RIN3: variants seen among roughly 807,000 people sequenced by gnomAD.
The protein encoded by RIN3 is Ras and Rab interactor 3.
Under a neutral mutation model 76.3 loss-of-function variants are expected in RIN3, and 54 were observed. The ratio of observed to expected loss-of-function variants is 0.71; its 90% CI spans 0.57 to 0.89. RIN3 has a LOEUF of 0.89. RIN3 is among the 40% of genes least tolerant of loss of function. The pLI, the probability that RIN3 is intolerant of heterozygous loss-of-function variation, is 0.00. For missense variants in RIN3, 1,256 were observed against 1,322.1 expected (o/e 0.95, Z 0.78); for synonymous variants, 576 against 564.0 (o/e 1.02, Z -0.30).
At chr14:92,602,240 G>A (rs1183622198) in intron 3 of RIN3, among the ~76,000 whole-genome samples, 4 of 152,246 alleles carry the variant, frequency 2.6e-5, no homozygotes, top group Non-Finnish European at 5.9e-5. Context: ...TCAGCTGTGT[G>A]CCCAGTGCCC....
At chr14:92,536,618 TG>T (rs1897005879) in intron 1 of RIN3, among the ~76,000 whole-genome samples, 2 of 151,786 alleles carry the variant, frequency 1.3e-5, no homozygotes, top group South Asian at 4.2e-4. Flanking sequence ...GGTGGGCGCC[TG>T]TAGTCCCAGC....
chr14:92,651,347 G>A (rs1008546537), intron 5 of RIN3, among the ~76,000 whole-genome samples: 8 of 151,970 alleles, frequency 5.3e-5, no homozygotes, highest in Non-Finnish European at 5.9e-5. Flanking sequence ...CATCACCCCC[G>A]GCCTCACCCT....
intron 7 of RIN3, among the ~76,000 whole-genome samples, chr14:92,676,011 T>C (rs979625159): frequency 6.6e-6 from 1 of 152,078 alleles, no homozygotes; most frequent in South Asian, 2.1e-4. Flanking sequence ...GAAGGCTGAA[T>C]GGTGACATTT....
rs1348550686 is a variant in RIN3 at position 92,547,099 on chromosome 14, TTAAA to T, written c.45-8646_45-8643del. 4.1e-4 allele frequency among the ~76,000 whole-genome samples: 34 copies of T among 83,892 alleles called. 9 individuals are homozygous for T. The highest frequency in any genetic ancestry group is 7.1e-4 in the Admixed American group (6 of 8,494). 55.0% of individuals were successfully genotyped at this position (83,892 alleles called of 152,430 possible). A position where few individuals can be genotyped will look rare whatever the true frequency, so the allele number is the denominator to read the frequency against. On this transcript the variant is annotated intron_variant, in intron 1 of 9. Transcript: ENST00000216487. ...TATATTATATTATATTATATTATAA[TTAAA>T]TAAATTATCTTTATTTTATTATTAT...
chr14:92,540,435 G>A (rs956640928), intron 1 of RIN3, among the ~76,000 whole-genome samples: 6 of 152,218 alleles, frequency 3.9e-5, no homozygotes, highest in African/African-American at 1.4e-4. Flanking sequence ...GGAGCCACAA[G>A]CATCTGTGAG....
intron 8 of RIN3, among the ~76,000 whole-genome samples, chr14:92,680,673 G>A (rs536363925): frequency 4.1e-4 from 62 of 152,354 alleles, no homozygotes; most frequent in African/African-American, 1.5e-3. Context: ...GGGGCAGGAT[G>A]AGAGATGGAG....
intron 7 of RIN3, among the ~76,000 whole-genome samples, chr14:92,665,370 CTTTTTTTTTTTTT>C (rs55818571): frequency 2.4e-5 from 2 of 83,610 alleles, no homozygotes; most frequent in African/African-American, 5.0e-5. Flanking sequence ...GCCTTTGTCT[CTTTTTTTTTTTTT>C]TTTTTTTTTT....
Position 92,659,317 on chromosome 14 carries a change from G to A in RIN3, c.2183G>A (p.Gly728Asp), listed in dbSNP as rs1448636270. The A allele has an allele frequency of 1.2e-6, 2 of 1,613,164 alleles. No individual in the cohort carries two copies. Among genetic ancestry groups the A allele is most frequent in the East Asian group, 2.2e-5 (1 of 44,898 alleles). The change falls in exon 7 of 10, where the codon GGT becomes GAT. Residue 728 changes from glycine (G) to aspartate (D), a missense_variant. Coordinates refer to ENST00000216487, the MANE Select transcript of RIN3 (RefSeq NM_024832.5). ...VILATTTTDL[G>D]VTTSVPEVPM... is the part of the protein sequence containing the mutation. ...CTGGCCACCACCACCACTGACCTAG[G>A]TGTGACCACCAGCGTGCCGGAGGTG...
intron 7 of RIN3, 129 bp downstream of exon 7, chr14:92,659,598 G>A: frequency 4.8e-6 from 4 of 835,546 alleles, no homozygotes; most frequent in Non-Finnish European, 7.2e-6. Context: ...CCCTTGGGGA[G>A]GAACTGAGTG....
chr14:92,550,681 C>T (rs1438730289), intron 1 of RIN3, among the ~76,000 whole-genome samples: 1 of 152,194 alleles, frequency 6.6e-6, no homozygotes, highest in Non-Finnish European at 1.5e-5. Flanking sequence ...AGCCTTAATC[C>T]CAAAATGTTT....
chr14:92,515,002 T>C (rs1896399366), intron 1 of RIN3, among the ~76,000 whole-genome samples: 1 of 152,164 alleles, frequency 6.6e-6, no homozygotes, highest in Non-Finnish European at 1.5e-5. Flanking sequence ...CTCAGTTCTC[T>C]GCTCTGTGAA....
intron 1 of RIN3, among the ~76,000 whole-genome samples, chr14:92,541,219 A>G (rs1897125178): frequency 6.6e-6 from 1 of 152,092 alleles, no homozygotes; most frequent in South Asian, 2.1e-4. Flanking sequence ...CATCTCATAA[A>G]CCCTTGTTAT....
chr14:92,629,165 G>A (rs1000148059), intron 4 of RIN3, among the ~76,000 whole-genome samples: 1 of 151,468 alleles, frequency 6.6e-6, no homozygotes, highest in African/African-American at 2.4e-5. Context: ...TTGATTGATT[G>A]ATTGATTGAT....
intron 1 of RIN3, among the ~76,000 whole-genome samples, chr14:92,517,135 G>T (rs957140246): frequency 6.6e-6 from 1 of 152,204 alleles, no homozygotes; most frequent in Non-Finnish European, 1.5e-5. Flanking sequence ...ATGGCAAGCT[G>T]TGTCATCTAG....
chr14:92,645,166 G>A (rs77319600), intron 5 of RIN3: 5,100 of 152,304 alleles, frequency 0.033, 236 homozygotes, highest in African/African-American at 0.1. Flanking sequence ...GACTCAGCTC[G>A]CAGCCCCACC....
rs898348873 is a variant in RIN3, at chr14:92,513,846, C to T, written c.-87C>T. On this transcript the variant is annotated 5_prime_UTR_variant, in exon 1 of 10. Coordinates refer to ENST00000216487, the MANE Select transcript of RIN3 (RefSeq NM_024832.5). Reference sequence around the variant, plus strand: ...CCTGGCCCTTCCAGAGGGCCAGAGCCAGGGACATGCGGGCGCCCGGGACTC... The same window carrying T: ...CCTGGCCCTTCCAGAGGGCCAGAGCTAGGGACATGCGGGCGCCCGGGACTC... 8 of 1,002,238 alleles carry T rather than the reference C, an allele frequency of 8.0e-6. No individual in the cohort carries two copies. The highest frequency in any genetic ancestry group is 1.7e-5 in the African/African-American group (1 of 59,404). 62.1% of individuals were successfully genotyped at this position (1,002,238 alleles called of 1,614,324 possible).
At chr14:92,551,417 ATGC>A (rs774944925) in intron 1 of RIN3, among the ~76,000 whole-genome samples, 13 of 152,198 alleles carry the variant, frequency 8.5e-5, no homozygotes, top group Non-Finnish European at 1.5e-4. Context: ...TGACATTCGT[ATGC>A]AGGTCTTTCT....
In RIN3 at chr14:92,568,956, C is replaced by T. The variant is rs1474092011; in HGVS notation, c.250-8404C>T. Among the ~76,000 whole-genome samples the T allele has an allele frequency of 6.6e-6, 1 of 152,190 alleles. No homozygotes were observed. Among genetic ancestry groups the T allele is most frequent in the Non-Finnish European group, 1.5e-5 (1 of 68,026 alleles). ...TTCACCATGTGGTGGGGATGCCTGG[C>T]CCTAGTCCTGCTCTGGCAGTTGCCA... On this transcript the variant is annotated intron_variant, in intron 2 of 9. Transcript: ENST00000216487. This position sits in a 1 kb window ranked among gnomAD's most constrained non-coding sequence, Gnocchi z 4.2.
chr14:92,580,372 A>G (rs1358961894), intron 3 of RIN3, among the ~76,000 whole-genome samples: 2 of 150,846 alleles, frequency 1.3e-5, no homozygotes, highest in African/African-American at 2.5e-5. Context: ...CTCAACAACA[A>G]CAAAAACAAA....
Sources: allele counts gnomAD v4.1 joint callset (sites outside exome capture counted in the v4.1 genomes callset), GRCh38; gene constraint gnomAD v4.1.1; non-coding constraint Gnocchi (gnomAD v3.1); transcripts MANE v1.5; gene names NCBI Gene and HGNC (gene_info 2026-07-23, HGNC 2026-07-21).